The following ZDHHC4 variants were observed in gnomAD, a reference collection of about 807,000 sequenced individuals.
ZDHHC4 encodes the protein zDHHC palmitoyltransferase 4.
A neutral mutation model predicts 36.7 loss-of-function variants in ZDHHC4; 42 were observed. That is an observed-to-expected ratio of 1.14 (90% CI 0.89 to 1.48). The LOEUF (loss-of-function observed/expected upper bound fraction) is 1.48, where lower values mean the gene tolerates loss of function less well. ZDHHC4 is among the 40% of genes most tolerant of loss of function. The pLI is 0.00. For missense variants in ZDHHC4, 457 were observed against 421.5 expected, an observed-to-expected ratio of 1.08 and a Z score of -0.74; for synonymous variants, 189 against 166.6, an observed-to-expected ratio of 1.13 and a Z score of -1.03.
intron 6 of ZDHHC4, chr7:6,584,369 G>T (rs907823170): frequency 6.6e-6 from 1 of 152,246 alleles, no homozygotes; most frequent in Non-Finnish European, 1.5e-5. Context: ...GCTATATCCA[G>T]ATATTCTTAA....
intron 2 of ZDHHC4, among the ~76,000 whole-genome samples, chr7:6,580,127 C>G (rs1583377916): frequency 6.6e-6 from 1 of 151,736 alleles, no homozygotes; most frequent in South Asian, 2.1e-4. Flanking sequence ...AAGAGTGAAA[C>G]TCTGTCTCAA....
rs927841370 is a variant in ZDHHC4 at position 6,589,323 on chromosome 7, G to C, written c.*413G>C. On this transcript the variant is annotated 3_prime_UTR_variant, in exon 8 of 8. Transcript: ENST00000335965. ...CCCCTCTATTCTCCTCTCTCCCCCA[G>C]GGGATTTTCATCTCAACAACAGAGT... 6.2e-5 allele frequency: 12 copies of C among 192,956 alleles called. No individual in the cohort carries two copies. Among genetic ancestry groups the C allele is most frequent in the East Asian group, 5.9e-4 (5 of 8,448 alleles). The allele number at this position is 192,956 out of a possible 1,614,324, so 12.0% of individuals were successfully genotyped here. A position where few individuals can be genotyped will look rare whatever the true frequency, so the allele number is the denominator to read the frequency against.
intron 5 of ZDHHC4, 63 bp downstream of exon 5, chr7:6,582,314 A>C (rs1281986961): frequency 4.9e-6 from 7 of 1,443,228 alleles, no homozygotes; most frequent in South Asian, 1.4e-5. Flanking sequence ...ATAGTGCTGC[A>C]AACAAGGAGA....
Position 6,588,623 on chromosome 7 carries a change from T to C in ZDHHC4, c.748T>C (p.Phe250Leu). Residue 250 changes from phenylalanine to leucine, a missense_variant, in exon 8 of 8, where the codon TTC (phenylalanine) becomes CTC (leucine). Transcript: ENST00000335965. ...MDTVFLIQYL[F>L]LTFPRIVFML... Reference sequence around the variant, plus strand: ...ACCTTTTCTCTGCTCCTAGTACCTGTTCCTGACTTTTCCACGGATTGTCTT... The same window carrying C: ...ACCTTTTCTCTGCTCCTAGTACCTGCTCCTGACTTTTCCACGGATTGTCTT... 1 of 1,614,104 alleles carries C rather than the reference T, an allele frequency of 6.2e-7. No homozygotes were observed. The highest frequency in any genetic ancestry group is 1.7e-5 in the Admixed American group (1 of 60,028).
Position 6,587,607 on chromosome 7 carries a change from G to C in ZDHHC4, c.742-1010G>C, listed in dbSNP as rs1781328792. Among the ~76,000 whole-genome samples the C allele has an allele frequency of 2.0e-5, 3 of 152,124 alleles. No individual in the cohort carries two copies. The South Asian group carries it at 6.2e-4, about 31-fold the overall frequency. On this transcript the variant is annotated intron_variant, in intron 7 of 7. Transcript: ENST00000335965. ...TCCTTACATCTTGCCTTTCTCATTA[G>C]TCAATATATTAAGTCTTTTCACAAT...
chr7:6,588,232 C>T (rs1474418346), intron 7 of ZDHHC4, among the ~76,000 whole-genome samples: 1 of 152,126 alleles, frequency 6.6e-6, no homozygotes, highest in African/African-American at 2.4e-5. Flanking sequence ...AATGATACAA[C>T]GAATATCCTT....
intron 7 of ZDHHC4, among the ~76,000 whole-genome samples, chr7:6,586,560 C>G (rs896781561): frequency 3.3e-5 from 5 of 152,144 alleles, no homozygotes; most frequent in African/African-American, 1.2e-4. Flanking sequence ...ACTGCAACCT[C>G]TGCCTCTCAG....
chr7:6,580,663 C>T lies in ZDHHC4; in HGVS notation c.102C>T (p.Ala34=). The part of the protein sequence containing the change: ...CSKTHSLKGL[A]RGGAQIFSCI... ...AAACCCATAGCTTGAAAGGCCTGGC[C>T]AGGGGAGGAGCACAGGTAAGGATGA... Residue 34 remains alanine (A), a synonymous_variant, in exon 3 of 8, where the codon GCC becomes GCT. Transcript: ENST00000335965. The T allele has an allele frequency of 6.2e-7, 1 of 1,614,044 alleles. No homozygotes were observed. Among genetic ancestry groups the T allele is most frequent in the African/African-American group, 1.3e-5 (1 of 75,014 alleles).
chr7:6,585,509 C>T (rs1461660487), intron 7 of ZDHHC4, among the ~76,000 whole-genome samples: 1 of 151,872 alleles, frequency 6.6e-6, no homozygotes, highest in Non-Finnish European at 1.5e-5. Flanking sequence ...ACAAAAAATA[C>T]AAAAATGAGC....
intron 5 of ZDHHC4, among the ~76,000 whole-genome samples, chr7:6,583,038 G>A (rs1047373960): frequency 2.0e-5 from 3 of 152,052 alleles, no homozygotes; most frequent in African/African-American, 4.8e-5. Context: ...TTAGCCACGC[G>A]TGCATTAGCA....
intron 7 of ZDHHC4, among the ~76,000 whole-genome samples, chr7:6,585,668 TG>T (rs1781191793): frequency 6.6e-6 from 1 of 151,884 alleles, no homozygotes; most frequent in Non-Finnish European, 1.5e-5. Context: ...TAGCTGGGTG[TG>T]GTGGCACATG....
At chr7:6,584,991 C>A (rs1301828564) in intron 6 of ZDHHC4, 25 bp from the exon 7 acceptor site, 1 of 1,612,282 alleles carries the variant, frequency 6.2e-7, no homozygotes, top group South Asian at 1.1e-5. Flanking sequence ...ACCATCCCAG[C>A]ACGTGCCCCC....
chr7:6,587,796 G>T (rs1175661463), intron 7 of ZDHHC4, among the ~76,000 whole-genome samples: 1 of 152,206 alleles, frequency 6.6e-6, no homozygotes, highest in Non-Finnish European at 1.5e-5. Context: ...AAGGCAGGAG[G>T]ATCACTCAAG....
chr7:6,579,373 G>C (rs1780680401), intron 2 of ZDHHC4, among the ~76,000 whole-genome samples: 1 of 151,796 alleles, frequency 6.6e-6, no homozygotes. Flanking sequence ...GTTAATTTTT[G>C]TGTTTTTAGT....
intron 6 of ZDHHC4, 152 bp downstream of exon 6, chr7:6,583,583 T>C: frequency 1.9e-6 from 2 of 1,070,640 alleles, no homozygotes; most frequent in Non-Finnish European, 2.6e-6. Flanking sequence ...AATGGTTTCT[T>C]TCAGATGAGT....
Position 6,580,559 on chromosome 7 carries a change from A to G in ZDHHC4, c.-3A>G. ...ACTCTTTCTGTTCCTTTGTAGCTGC[A>G]GGATGGACTTTCTGGTCCTCTTCTT... is the stretch of plus-strand genomic sequence containing the variant. On this transcript the variant is annotated 5_prime_UTR_variant, in exon 3 of 8. Coordinates refer to ENST00000335965, the MANE Select transcript of ZDHHC4 (RefSeq NM_001134389.2). The G allele has an allele frequency of 6.2e-7, 1 of 1,613,564 alleles. No homozygotes were observed.
At chr7:6,583,631 C>T in intron 6 of ZDHHC4, 200 bp downstream of exon 6, 1 of 635,080 alleles carries the variant, frequency 1.6e-6, no homozygotes, top group Non-Finnish European at 2.5e-6. Flanking sequence ...GTAGACAGTC[C>T]TCATCTCTGG....
intron 2 of ZDHHC4, among the ~76,000 whole-genome samples, chr7:6,579,146 T>TG (rs1780657550): frequency 2.5e-5 from 3 of 118,782 alleles, no homozygotes; most frequent in African/African-American, 1.2e-4. Context: ...TTTTTTTTCT[T>TG]CTTTTTTTTT....
chr7:6,580,639 A>G lies in ZDHHC4; in HGVS notation c.78A>G (p.Lys26=). 1.2e-6 allele frequency: 2 copies of G among 1,614,062 alleles called. No individual in the cohort carries two copies. Among genetic ancestry groups the G allele is most frequent in the Non-Finnish European group, 1.7e-6 (2 of 1,180,008 alleles). ...MGLVLICVCS[K]THSLKGLARG... is the part of the protein sequence containing the mutation. ...TTGTTCTTATCTGCGTCTGCTCGAA[A>G]ACCCATAGCTTGAAAGGCCTGGCCA... The change falls in exon 3 of 8, where the codon AAA becomes AAG. Residue 26 remains lysine, a synonymous_variant. Coordinates refer to ENST00000335965, the MANE Select transcript of ZDHHC4 (RefSeq NM_001134389.2).
Sources: gnomAD v4.1 joint callset for allele counts (sites outside exome capture counted in the v4.1 genomes callset) on GRCh38, gnomAD v4.1.1 for gene constraint, MANE v1.5 for transcripts, NCBI Gene and HGNC (gene_info 2026-07-23, HGNC 2026-07-21) for gene names.